The following CSMD3 variants were observed in gnomAD, a reference collection of about 807,000 sequenced individuals.
The protein encoded by CSMD3 is CUB and Sushi multiple domains 3.
A neutral mutation model predicts 435.2 loss-of-function variants in CSMD3; 177 were observed. That is an observed-to-expected ratio of 0.41 (90% CI 0.36 to 0.46). The LOEUF (loss-of-function observed/expected upper bound fraction) is 0.46. Among genes scored for constraint, CSMD3 ranks in the 20% least tolerant of loss-of-function variants. CSMD3 has a pLI of 0.34. For missense variants in CSMD3, 4,265 were observed against 4,504.6 expected (o/e 0.95, Z 1.52); for synonymous variants, 1,656 against 1,520.5 (o/e 1.09, Z -2.07).
chr8:112,803,573 C>CA (rs2079009739), intron 12 of CSMD3, among the ~76,000 whole-genome samples: 1 of 151,868 alleles, frequency 6.6e-6, no homozygotes, highest in Admixed American at 6.6e-5. Flanking sequence ...CACATGAAGA[C>CA]AAAAAGATGT....
At chr8:112,869,794 A>C (rs1400554867) in intron 10 of CSMD3, among the ~76,000 whole-genome samples, 1 of 152,206 alleles carries the variant, frequency 6.6e-6, no homozygotes, top group African/African-American at 2.4e-5. Context: ...AGAAAATCAA[A>C]CACCACATGT....
intron 1 of CSMD3, among the ~76,000 whole-genome samples, chr8:113,360,824 CG>C (rs1480630276): frequency 1.3e-5 from 2 of 152,120 alleles, no homozygotes; most frequent in East Asian, 1.9e-4. Flanking sequence ...CCGCCCGCCT[CG>C]GCCTCCCAAA....
At chr8:113,047,601 A>C (rs1330717390) in intron 5 of CSMD3, among the ~76,000 whole-genome samples, 2 of 152,234 alleles carry the variant, frequency 1.3e-5, no homozygotes, top group Non-Finnish European at 2.9e-5. Flanking sequence ...AATTGTCTTA[A>C]TTGGAAACTT....
intron 4 of CSMD3, among the ~76,000 whole-genome samples, chr8:113,170,009 A>C (rs1588196661): frequency 6.6e-6 from 1 of 152,132 alleles, no homozygotes; most frequent in Non-Finnish European, 1.5e-5. Flanking sequence ...CTCTAGGTTG[A>C]TGTGGAATAC....
At chr8:112,979,570 AATAATTCAATATTAAAT>A (rs1429210312) in intron 6 of CSMD3, among the ~76,000 whole-genome samples, 1 of 151,540 alleles carries the variant, frequency 6.6e-6, no homozygotes, top group African/African-American at 2.4e-5. Flanking sequence ...TATGTATAGC[AATAATTCAATATTAAAT>A]ATACACATAG....
chr8:112,289,315 T>C (rs2130653348), intron 57 of CSMD3, 50 bp downstream of exon 57: 1 of 1,443,900 alleles, frequency 6.9e-7, no homozygotes, highest in East Asian at 2.3e-5. Context: ...CTACTACTAC[T>C]AACAATAATG....
chr8:112,917,173 C>G (rs748246242), intron 10 of CSMD3, among the ~76,000 whole-genome samples: 2 of 151,850 alleles, frequency 1.3e-5, no homozygotes, highest in East Asian at 3.9e-4. Context: ...ATTCAAAATT[C>G]GAACACTTTA....
chr8:112,970,395 C>CAAAAAA (rs11284034), intron 7 of CSMD3, among the ~76,000 whole-genome samples: 20 of 82,114 alleles, frequency 2.4e-4, no homozygotes, highest in African/African-American at 3.3e-4. Flanking sequence ...GACTCCCTCT[C>CAAAAAA]AAAAAAAAAA....
At chr8:113,098,573 C>T (rs3817439) in intron 5 of CSMD3, 183 bp downstream of exon 5, 3 of 590,918 alleles carry the variant, frequency 5.1e-6, no homozygotes, top group Non-Finnish European at 9.0e-6. Flanking sequence ...TGAATTTCAT[C>T]TATTTTTTAT....
rs1304231021 is a variant in CSMD3 at position 113,374,843 on chromosome 8, AAAAAC to A, written c.179-60055_179-60051del. On this transcript the variant is annotated intron_variant, in intron 1 of 70. Transcript: ENST00000297405. ...TAAAAAAAAAAAAAAAAAAAAAAAA[AAAAAC>A]CAATAAAATGAACACCATAATACCA... is the stretch of plus-strand genomic sequence containing the variant. Among the ~76,000 whole-genome samples the A allele has an allele frequency of 1.2e-3, 22 of 17,958 alleles. 1 individual carries two copies. Among genetic ancestry groups the A allele is most frequent in the South Asian group, 6.3e-3 (3 of 476 alleles). 11.8% of individuals were successfully genotyped at this position (17,958 alleles called of 152,430 possible).
chr8:112,609,274 G>GTTAA (rs1833064482), intron 22 of CSMD3, among the ~76,000 whole-genome samples: 1 of 142,130 alleles, frequency 7.0e-6, no homozygotes, highest in African/African-American at 2.6e-5. Context: ...TCGATAAAGG[G>GTTAA]TTAATATACA....
chr8:112,960,362 C>A (rs1054141548), intron 7 of CSMD3, among the ~76,000 whole-genome samples: 1 of 151,602 alleles, frequency 6.6e-6, no homozygotes, highest in African/African-American at 2.4e-5. Flanking sequence ...CCTTTAACAT[C>A]TTTCATATAA....
Position 112,255,372 on chromosome 8 carries a change from G to T in CSMD3, c.9918C>A (p.Ser3306Arg), listed in dbSNP as rs199925589. ...ATGAAACCTCTGACTGGTATATAAA[G>T]CTTTTGCCTTCTCTTTTTCCTTGGG... Reference protein sequence around the residue: ...IPAQGKREGKSFIYQSEVSFS... With the variant: ...IPAQGKREGKRFIYQSEVSFS... The change falls in exon 62 of 71, where the codon AGC becomes AGA. Residue 3306 changes from serine (S) to arginine (R), a missense_variant. Around this residue, in one of 3 missense-constraint regions of CSMD3, gnomAD observed 3,255 missense variants for 3,380.2 expected, o/e 0.96. Transcript: ENST00000297405. 1 of 1,613,654 alleles carries T rather than the reference G, an allele frequency of 6.2e-7. No individual in the cohort carries two copies. Among genetic ancestry groups the T allele is most frequent in the African/African-American group, 1.3e-5 (1 of 74,972 alleles).
intron 23 of CSMD3, among the ~76,000 whole-genome samples, chr8:112,577,107 G>A (rs533266788): frequency 5.3e-5 from 8 of 152,002 alleles, no homozygotes; most frequent in South Asian, 2.1e-4. Context: ...TTAAATTTTG[G>A]AAGCATGCAT....
chr8:112,761,743 A>G (rs773731272), intron 13 of CSMD3, among the ~76,000 whole-genome samples: 1 of 152,050 alleles, frequency 6.6e-6, no homozygotes, highest in Admixed American at 6.6e-5. Flanking sequence ...TTTACTTATC[A>G]TTTGTGCAAG....
intron 1 of CSMD3, among the ~76,000 whole-genome samples, chr8:113,384,179 A>T (rs1056500020): frequency 6.6e-6 from 1 of 152,136 alleles, no homozygotes; most frequent in Non-Finnish European, 1.5e-5. Flanking sequence ...TATAATAATT[A>T]TTGACTTCTC....
At chr8:112,433,564 G>A (rs542810044) in intron 32 of CSMD3, among the ~76,000 whole-genome samples, 8 of 150,298 alleles carry the variant, frequency 5.3e-5, no homozygotes, top group African/African-American at 1.5e-4. Context: ...TGTTGAGGTA[G>A]TGGGATCACT....
At chr8:113,087,875 A>G (rs1438344778) in intron 5 of CSMD3, among the ~76,000 whole-genome samples, 1 of 152,204 alleles carries the variant, frequency 6.6e-6, no homozygotes, top group Non-Finnish European at 1.5e-5. Flanking sequence ...AATTAAACTA[A>G]AGAGCTTCTG....
chr8:112,542,432 A>G lies in CSMD3; in HGVS notation c.4564+8239T>C, dbSNP rs573683017. On this transcript the variant is annotated intron_variant, in intron 27 of 70. Transcript: ENST00000297405. ...GAAAATCCTAAAGACTTTATCAAAA[A>G]AACTGTTGGAACTAATAAATTCAAT... is the stretch of plus-strand genomic sequence containing the variant. 3.0e-4 allele frequency among the ~76,000 whole-genome samples: 46 copies of G among 152,068 alleles called. 1 individual carries two copies. The highest frequency in any genetic ancestry group is 1.1e-3 in the African/African-American group (46 of 41,546).
Sources: gnomAD v4.1 joint callset for allele counts (sites outside exome capture counted in the v4.1 genomes callset) on GRCh38, gnomAD v4.1.1 for gene constraint, gnomAD v4.1.1 regional missense constraint, MANE v1.5 for transcripts, NCBI Gene and HGNC (gene_info 2026-07-23, HGNC 2026-07-21) for gene names.